RCC1: variants seen among roughly 807,000 people sequenced by gnomAD.
The protein encoded by RCC1 is regulator of chromosome condensation.
Under a neutral mutation model 44.4 loss-of-function variants are expected in RCC1, and 11 were observed. That is an observed-to-expected ratio of 0.25 (90% CI 0.16 to 0.41). RCC1 has a LOEUF of 0.41. Ranked by LOEUF, RCC1 falls within the 10% of genes least tolerant of loss-of-function variation. The pLI is 1.00. For missense variants in RCC1, 386 were observed against 547.1 expected (o/e 0.71, Z 2.94); for synonymous variants, 213 against 216.5 (o/e 0.98, Z 0.14).
chr1:28,506,114 G>C (rs1557862725), intron 1 of RCC1, 30 bp downstream of exon 1: 1 of 455,206 alleles, frequency 2.2e-6, no homozygotes, highest in East Asian at 7.0e-5. Flanking sequence ...AGTGTGATCA[G>C]ATGCTTGCCA....
At chr1:28,514,718 G>A (rs183837031) in intron 3 of RCC1, among the ~76,000 whole-genome samples, 62 of 151,588 alleles carry the variant, frequency 4.1e-4, no homozygotes, top group Non-Finnish European at 8.1e-4. Context: ...CCGAGATCAT[G>A]CCATTGCACT....
At chr1:28,512,792 A>C (rs1662642411) in intron 3 of RCC1, among the ~76,000 whole-genome samples, 1 of 152,080 alleles carries the variant, frequency 6.6e-6, no homozygotes, top group Non-Finnish European at 1.5e-5. Context: ...GTGTTGTTCA[A>C]ATCTATCCTT....
chr1:28,511,861 A>G (rs1662566361), intron 3 of RCC1, among the ~76,000 whole-genome samples: 2 of 149,612 alleles, frequency 1.3e-5, no homozygotes, highest in South Asian at 2.1e-4. Context: ...GACGGGTTTC[A>G]CCATGTTAGC....
chr1:28,523,468 A>G (rs1373023293), intron 4 of RCC1, among the ~76,000 whole-genome samples: 1 of 152,184 alleles, frequency 6.6e-6, no homozygotes, highest in Admixed American at 6.5e-5. Flanking sequence ...CATTGTGGCC[A>G]GCTTGTAGTG....
chr1:28,526,838 AGT>A (rs1446906933), intron 4 of RCC1: 9 of 605,644 alleles, frequency 1.5e-5, no homozygotes, highest in Non-Finnish European at 2.7e-5. Context: ...GGGAGGTTGC[AGT>A]GAGCCGAGAT....
intron 4 of RCC1, among the ~76,000 whole-genome samples, chr1:28,528,844 C>CTTTTTTTTTTTTT: frequency 1.1e-5 from 1 of 87,226 alleles, no homozygotes; most frequent in African/African-American, 5.3e-5. Flanking sequence ...GTTTTTCTTC[C>CTTTTTTTTTTTTT]TTTTTTTTTT....
At position 28,536,708 on chromosome 1, in the gene RCC1, G is replaced by A. The variant is rs375165890; in HGVS notation, c.938-39G>A. On this transcript the variant is annotated intron_variant, in intron 11 of 12. Coordinates refer to ENST00000683442, the MANE Select transcript of RCC1 (RefSeq NM_001381865.2). This position sits in a 1 kb window ranked among gnomAD's most constrained non-coding sequence, Gnocchi z 4.9. The stretch of plus-strand genomic sequence containing the variant: ...CTGCCACCCATTTTGCCTGTAGCAC[G>A]CCCTCTGCTATTGCTCATCTCTCTC... The A allele has an allele frequency of 4.4e-6, 7 of 1,606,160 alleles. No homozygotes were observed. Among genetic ancestry groups the A allele is most frequent in the South Asian group, 3.3e-5 (3 of 90,340 alleles).
intron 3 of RCC1, among the ~76,000 whole-genome samples, chr1:28,511,855 G>T (rs554752929): frequency 4.3e-4 from 65 of 151,764 alleles, no homozygotes; most frequent in African/African-American, 1.5e-3. Flanking sequence ...AGTAGAGACG[G>T]GTTTCACCAT....
chr1:28,514,964 C>T (rs1203158800), intron 3 of RCC1, among the ~76,000 whole-genome samples: 1 of 152,122 alleles, frequency 6.6e-6, no homozygotes, highest in African/African-American at 2.4e-5. Flanking sequence ...ATAAAACCCA[C>T]AGTACATTAT....
In RCC1 at chr1:28,516,875, AC is replaced by A. The variant is rs778476301; in HGVS notation, c.-10+11del. 6.6e-6 allele frequency: 3 copies of A among 456,548 alleles called. No homozygotes were observed. The highest frequency in any genetic ancestry group is 4.0e-5 in the African/African-American group (2 of 50,144). The allele number at this position is 456,548 out of a possible 1,614,324, so 28.3% of individuals were successfully genotyped here. A position where few individuals can be genotyped will look rare whatever the true frequency, so the allele number is the denominator to read the frequency against. ...AGAGGTAAACTTGGAGAGGTAAGAA[AC>A]CCTGAAGACAGGGGAGTGCTTTGTG... On this transcript the variant is annotated intron_variant, in intron 4 of 12. Transcript: ENST00000683442.
Position 28,538,197 on chromosome 1 carries a change from T to C in RCC1, c.*190T>C. The C allele has an allele frequency of 8.1e-6, 3 of 371,180 alleles. No homozygotes were observed. The highest frequency in any genetic ancestry group is 6.2e-5 in the East Asian group (1 of 16,042). The allele number at this position is 371,180 out of a possible 1,614,324, so 23.0% of individuals were successfully genotyped here. On this transcript the variant is annotated 3_prime_UTR_variant, in exon 13 of 13. Transcript: ENST00000683442. Reference sequence around the variant, plus strand: ...TCCTCTTTGGAATTTTCCTGGGACCTACAGAATAAAGGGGGGGATGGACAG... The same window carrying C: ...TCCTCTTTGGAATTTTCCTGGGACCCACAGAATAAAGGGGGGGATGGACAG...
chr1:28,530,701 A>C, intron 5 of RCC1: 1 of 1,132,700 alleles, frequency 8.8e-7, no homozygotes, highest in Non-Finnish European at 1.2e-6. Flanking sequence ...GCTGGGCGCC[A>C]TTGGCTGCCC....
chr1:28,510,006 G>A (rs72661791), intron 3 of RCC1: 4,361 of 152,250 alleles, frequency 0.029, 91 homozygotes, highest in Non-Finnish European at 0.045. Context: ...GCCTCATGAC[G>A]TGAGTCACAA....
At chr1:28,529,228 G>T (rs1663933734) in intron 4 of RCC1, among the ~76,000 whole-genome samples, 1 of 128,560 alleles carries the variant, frequency 7.8e-6, no homozygotes, top group Non-Finnish European at 1.6e-5. Flanking sequence ...CTGTTGCCCA[G>T]GCTGGAGTGC....
rs990265675 is a variant in RCC1 at position 28,527,084 on chromosome 1, G to A, written c.-9-2774G>A. ...ACTGGTACCAGAATTTTGCTTGACC[G>A]GAACCAGACCACAATATGTTTGTCA... On this transcript the variant is annotated intron_variant, in intron 4 of 12. Transcript: ENST00000683442. 12 of 967,100 alleles carry A rather than the reference G, an allele frequency of 1.2e-5. 1 individual carries two copies. Among genetic ancestry groups the A allele is most frequent in the South Asian group, 7.9e-5 (6 of 75,946 alleles). 59.9% of individuals were successfully genotyped at this position (967,100 alleles called of 1,614,324 possible).
Position 28,538,792 on chromosome 1 carries a change from A to G in RCC1, c.*785A>G, listed in dbSNP as rs937414422. 5 of 152,160 alleles carry G rather than the reference A, an allele frequency of 3.3e-5. No individual in the cohort carries two copies. The highest frequency in any genetic ancestry group is 9.7e-5 in the African/African-American group (4 of 41,434). 9.4% of individuals were successfully genotyped at this position (152,160 alleles called of 1,614,324 possible). A position where few individuals can be genotyped will look rare whatever the true frequency, so the allele number is the denominator to read the frequency against. ...GGAGGGTTTTATAAACAAACTTAAC[A>G]GCAATATTGAAAGGAGGTGGGGGAT... On this transcript the variant is annotated 3_prime_UTR_variant, in exon 13 of 13. Transcript: ENST00000683442.
At chr1:28,519,371 G>T (rs1663130288) in intron 4 of RCC1, among the ~76,000 whole-genome samples, 1 of 152,092 alleles carries the variant, frequency 6.6e-6, no homozygotes. Context: ...CCCCCAAGAA[G>T]GGTATCAGAG....
Position 28,529,860 on chromosome 1 carries a change from C to T in RCC1, c.-7C>T, listed in dbSNP as rs374616977. The T allele has an allele frequency of 6.2e-7, 1 of 1,613,494 alleles. No homozygotes were observed. Among genetic ancestry groups the T allele is most frequent in the African/African-American group, 1.3e-5 (1 of 74,886 alleles). The stretch of plus-strand genomic sequence containing the variant: ...TGTAGTATTTGACTGACTTTCAGGA[C>T]AGGAAGATGTCACCCAAGCGCATAG... On this transcript the variant is annotated splice_region_variant and 5_prime_UTR_variant, in exon 5 of 13. Coordinates refer to ENST00000683442, the MANE Select transcript of RCC1 (RefSeq NM_001381865.2).
At chr1:28,515,836 C>T (rs1371721269) in intron 3 of RCC1, among the ~76,000 whole-genome samples, 3 of 151,868 alleles carry the variant, frequency 2.0e-5, no homozygotes, top group Non-Finnish European at 4.4e-5. Flanking sequence ...CACCTGAGGT[C>T]GGGAGTTCCA....
Sources: allele counts gnomAD v4.1 joint callset (sites outside exome capture counted in the v4.1 genomes callset), GRCh38; gene constraint gnomAD v4.1.1; non-coding constraint Gnocchi (gnomAD v3.1); transcripts MANE v1.5; gene names NCBI Gene and HGNC (gene_info 2026-07-23, HGNC 2026-07-21).